Variants in TMEM72 observed in about 807,000 individuals in gnomAD.
TMEM72 encodes the protein transmembrane protein 72.
A neutral mutation model predicts 16.3 loss-of-function variants in TMEM72; 9 were observed. The ratio of observed to expected loss-of-function variants is 0.55; its 90% CI spans 0.33 to 0.96. The LOEUF (loss-of-function observed/expected upper bound fraction) is 0.96, where lower values mean the gene tolerates loss of function less well. Ranked by LOEUF, TMEM72 falls within the 40% of genes least tolerant of loss-of-function variation. The pLI, the probability that TMEM72 is intolerant of heterozygous loss-of-function variation, is 0.03. For missense variants in TMEM72, 324 were observed against 337.8 expected (o/e 0.96, Z 0.32); for synonymous variants, 160 against 146.5 (o/e 1.09, Z -0.66).
intron 3 of TMEM72, among the ~76,000 whole-genome samples, chr10:44,932,521 C>G (rs892127444): frequency 6.6e-6 from 1 of 152,198 alleles, no homozygotes; most frequent in Non-Finnish European, 1.5e-5. Context: ...CTTCGTGGGG[C>G]AGGAGTGCAG....
intron 1 of TMEM72, among the ~76,000 whole-genome samples, chr10:44,921,282 G>T (rs1045517715): frequency 6.6e-6 from 1 of 152,152 alleles, no homozygotes. Context: ...GTGGGCATAA[G>T]GTACCTCTGT....
At chr10:44,918,954 T>C (rs1425273949) in intron 1 of TMEM72, among the ~76,000 whole-genome samples, 1 of 151,522 alleles carries the variant, frequency 6.6e-6, no homozygotes, top group Non-Finnish European at 1.5e-5. Flanking sequence ...TCCAGCACTG[T>C]AGGAAATAAA....
At chr10:44,926,847 C>T (rs1205532407) in intron 1 of TMEM72, among the ~76,000 whole-genome samples, 1 of 150,094 alleles carries the variant, frequency 6.7e-6, no homozygotes, top group Non-Finnish European at 1.5e-5. Context: ...CAGTGCAAGG[C>T]TCTTCCCTGC....
chr10:44,931,687 C>T (rs1840299595), intron 2 of TMEM72, among the ~76,000 whole-genome samples: 1 of 152,220 alleles, frequency 6.6e-6, no homozygotes, highest in South Asian at 2.1e-4. Context: ...GGGTGTCCAT[C>T]CTGGTGACCA....
At chr10:44,927,059 G>T (rs180955200) in intron 1 of TMEM72, among the ~76,000 whole-genome samples, 30 of 152,286 alleles carry the variant, frequency 2.0e-4, no homozygotes, top group Admixed American at 1.6e-3. Context: ...CTGGGAGGAA[G>T]AGAGGATGAA....
intron 1 of TMEM72, among the ~76,000 whole-genome samples, chr10:44,917,777 T>C (rs865882437): frequency 1.2e-4 from 19 of 152,256 alleles, no homozygotes; most frequent in African/African-American, 4.1e-4. Flanking sequence ...GCATGGACAA[T>C]GCTTTCTGGA....
At chr10:44,928,861 C>G in intron 2 of TMEM72, among the ~76,000 whole-genome samples, 1 of 152,192 alleles carries the variant, frequency 6.6e-6, no homozygotes, top group South Asian at 2.1e-4. Flanking sequence ...CATCCATACA[C>G]CCACCCATCC....
rs112160458 is a variant in TMEM72, at chr10:44,926,906, G to C, written c.71-1015G>C. Among the ~76,000 whole-genome samples the C allele has an allele frequency of 1.5e-3, 227 of 152,180 alleles. 2 individuals carry two copies. Among genetic ancestry groups the C allele is most frequent in the African/African-American group, 5.3e-3 (222 of 41,518 alleles). On this transcript the variant is annotated intron_variant, in intron 1 of 4. Coordinates refer to ENST00000389583, the MANE Select transcript of TMEM72 (RefSeq NM_001123376.3). ...TTGGACGAAGGGCCCCCTTCAGCTTGAGACACCAGGCGATGGAAGCCCACA... is the reference window on the plus strand; with the variant it reads ...TTGGACGAAGGGCCCCCTTCAGCTTCAGACACCAGGCGATGGAAGCCCACA...
In TMEM72 at chr10:44,923,774, C is replaced by T. The variant is rs112639190; in HGVS notation, c.71-4147C>T. ...AAGTCCAAACATCAACATGCAATGG[C>T]AGGGCATGCCTTCTGCTTTATGCCT... On this transcript the variant is annotated intron_variant, in intron 1 of 4. Coordinates refer to ENST00000389583, the MANE Select transcript of TMEM72 (RefSeq NM_001123376.3). Among the ~76,000 whole-genome samples the T allele has an allele frequency of 1.6e-3, 241 of 152,304 alleles. 2 individuals are homozygous for T. The highest frequency in any genetic ancestry group is 5.7e-3 in the African/African-American group (235 of 41,562).
At chr10:44,924,175 C>T (rs1403149640) in intron 1 of TMEM72, among the ~76,000 whole-genome samples, 2 of 152,236 alleles carry the variant, frequency 1.3e-5, no homozygotes, top group African/African-American at 4.8e-5. Flanking sequence ...ACATGCACTG[C>T]CCATTGCCCC....
At chr10:44,926,182 CAT>C (rs1840189237) in intron 1 of TMEM72, among the ~76,000 whole-genome samples, 1 of 151,702 alleles carries the variant, frequency 6.6e-6, no homozygotes, top group Non-Finnish European at 1.5e-5. Context: ...CACACTCACA[CAT>C]GTACACACAC....
At chr10:44,933,902 T>G in intron 4 of TMEM72, 126 bp downstream of exon 4, 7 of 1,187,102 alleles carry the variant, frequency 5.9e-6, no homozygotes, top group Non-Finnish European at 8.0e-6. Flanking sequence ...CTGCCCTCTC[T>G]GACCTAGAGG....
At chr10:44,929,562 T>C (rs1419505240) in intron 2 of TMEM72, among the ~76,000 whole-genome samples, 1 of 152,322 alleles carries the variant, frequency 6.6e-6, no homozygotes, top group East Asian at 1.9e-4. Flanking sequence ...CTTGCTGTGT[T>C]TGGGGGCTCA....
chr10:44,934,481 C>T (rs936943177), intron 4 of TMEM72, among the ~76,000 whole-genome samples, 175 bp from the exon 5 acceptor site: 3 of 152,216 alleles, frequency 2.0e-5, no homozygotes, highest in Admixed American at 1.3e-4. Context: ...CCAAGTGGAC[C>T]CCCAAATCTG....
chr10:44,911,946 C>A (rs535126269), intron 1 of TMEM72, among the ~76,000 whole-genome samples: 2 of 152,216 alleles, frequency 1.3e-5, no homozygotes, highest in African/African-American at 4.8e-5. Flanking sequence ...GGCTGGGCTT[C>A]GCTGTGTATC....
Position 44,933,754 on chromosome 10 carries a change from G to A in TMEM72, c.327G>A (p.Leu109=), listed in dbSNP as rs941854889. Residue 109 remains leucine (L), a synonymous_variant, in exon 4 of 5, where the codon CTG becomes CTA. Transcript: ENST00000389583. ...LSVACFLHPV[L]VWHVTIPGSM... is the part of the protein sequence containing the mutation. ...TGGCCTGCTTCCTCCACCCGGTCCT[G>A]GTCTGGCACGTGACCATCCCAGGTA... is the stretch of plus-strand genomic sequence containing the variant. 2 of 1,614,022 alleles carry A rather than the reference G, an allele frequency of 1.2e-6. No homozygotes were observed.
intron 3 of TMEM72, among the ~76,000 whole-genome samples, chr10:44,933,173 A>G (rs1005630530): frequency 3.9e-5 from 6 of 152,232 alleles, no homozygotes; most frequent in African/African-American, 1.4e-4. Context: ...CCAACACTGT[A>G]CTGTGCCTAA....
chr10:44,933,534 G>T, intron 3 of TMEM72, 103 bp from the exon 4 acceptor site: 1 of 1,473,964 alleles, frequency 6.8e-7, no homozygotes, highest in Non-Finnish European at 9.1e-7. Flanking sequence ...AGGGCCCACT[G>T]CAGAGCATGC....
intron 1 of TMEM72, among the ~76,000 whole-genome samples, chr10:44,918,844 A>G (rs147295484): frequency 1.3e-5 from 2 of 152,208 alleles, no homozygotes; most frequent in Admixed American, 6.5e-5. Context: ...AGGCCCTTCT[A>G]TCATACAATG....
Sources: gnomAD v4.1 joint callset for allele counts (sites outside exome capture counted in the v4.1 genomes callset) on GRCh38, gnomAD v4.1.1 for gene constraint, MANE v1.5 for transcripts, NCBI Gene and HGNC (gene_info 2026-07-23, HGNC 2026-07-21) for gene names.